The following CTNNBL1 variants were observed in gnomAD, a reference collection of about 807,000 sequenced individuals.
The protein encoded by CTNNBL1 is catenin beta like 1, also known as beta-catenin-like protein 1.
In CTNNBL1, 31 loss-of-function variants were observed where a neutral mutation model predicts 72.7. That is an observed-to-expected ratio of 0.43 (90% CI 0.32 to 0.58). The LOEUF is 0.58. Ranked by LOEUF, CTNNBL1 falls within the 20% of genes least tolerant of loss-of-function variation. The pLI is 0.08. For synonymous variants in CTNNBL1, 240 were observed against 267.3 expected (o/e 0.90, Z 1.00); for missense variants, 534 against 725.1 (o/e 0.74, Z 3.03).
intron 1 of CTNNBL1, among the ~76,000 whole-genome samples, chr20:37,729,341 G>A (rs572982321): frequency 7.8e-4 from 118 of 152,208 alleles, no homozygotes; most frequent in African/African-American, 2.8e-3. Context: ...CCAGAGATGT[G>A]GTGAAGATTG....
intron 4 of CTNNBL1, 22 bp from the exon 5 acceptor site, chr20:37,757,537 T>G (rs766958575): frequency 1.9e-6 from 3 of 1,567,094 alleles, no homozygotes; most frequent in Non-Finnish European, 2.6e-6. Context: ...AGTATGTGTG[T>G]TATACCCTTA....
At chr20:37,773,735 C>A (rs548883663) in intron 7 of CTNNBL1, among the ~76,000 whole-genome samples, 1 of 152,174 alleles carries the variant, frequency 6.6e-6, no homozygotes, top group African/African-American at 2.4e-5. Flanking sequence ...CTAATTTCTT[C>A]TATTTCTTTT....
intron 1 of CTNNBL1, among the ~76,000 whole-genome samples, chr20:37,705,784 A>G (rs1335085664): frequency 6.6e-6 from 1 of 152,134 alleles, no homozygotes; most frequent in Non-Finnish European, 1.5e-5. Context: ...CCCTAAAGGA[A>G]GTGGTTGGGT....
chr20:37,802,764 C>A (rs1010143387), intron 10 of CTNNBL1, 103 bp from the exon 11 acceptor site: 5 of 876,186 alleles, frequency 5.7e-6, no homozygotes, highest in African/African-American at 5.0e-5. Flanking sequence ...TGTAATATTT[C>A]CATTTAGATG....
intron 1 of CTNNBL1, among the ~76,000 whole-genome samples, chr20:37,701,969 G>A (rs1252787722): frequency 2.0e-5 from 3 of 151,994 alleles, no homozygotes; most frequent in Non-Finnish European, 4.4e-5. Flanking sequence ...GTAATACATC[G>A]TACGCACGTG....
chr20:37,801,914 C>T (rs1269507429), intron 10 of CTNNBL1, among the ~76,000 whole-genome samples: 1 of 152,214 alleles, frequency 6.6e-6, no homozygotes, highest in Non-Finnish European at 1.5e-5. Context: ...GTAAAACTAT[C>T]TGTTTGCAGA....
chr20:37,745,785 T>A (rs2122621736), intron 3 of CTNNBL1, among the ~76,000 whole-genome samples: 1 of 152,326 alleles, frequency 6.6e-6, no homozygotes. Flanking sequence ...TCGGCATTTC[T>A]TGTATGTCAA....
Position 37,779,261 on chromosome 20 carries a change from C to G in CTNNBL1, c.957C>G (p.Ser319=). 1.2e-6 allele frequency: 2 copies of G among 1,613,804 alleles called. No homozygotes were observed. Among genetic ancestry groups the G allele is most frequent in the Non-Finnish European group, 1.7e-6 (2 of 1,179,760 alleles). ...AGAATCTGTTTGATTCCCTCTGCTC[C>G]TGTCTAATGCTTAGTTCCAATCGTG... ...MMENLFDSLC[S]CLMLSSNRER... The change falls in exon 10 of 16, where the codon TCC becomes TCG. Residue 319 remains serine (S), a synonymous_variant. Transcript: ENST00000361383.
chr20:37,724,938 GTCTC>G, intron 1 of CTNNBL1, among the ~76,000 whole-genome samples: 1 of 148,032 alleles, frequency 6.8e-6, no homozygotes, highest in Non-Finnish European at 1.5e-5. Flanking sequence ...TTGAGACAGG[GTCTC>G]TCTGTGTCAC....
intron 1 of CTNNBL1, among the ~76,000 whole-genome samples, chr20:37,727,565 C>A (rs1165698124): frequency 6.6e-6 from 1 of 152,210 alleles, no homozygotes. Flanking sequence ...AAGAGTTAAT[C>A]ATTTTTTCTC....
Position 37,823,077 on chromosome 20 carries a change from C to T in CTNNBL1, c.1214-17025C>T, listed in dbSNP as rs549822886. Among the ~76,000 whole-genome samples, 8 of 152,294 alleles carry T rather than the reference C, an allele frequency of 5.3e-5. No individual in the cohort carries two copies. The South Asian group carries it at 1.7e-3, about 32-fold the overall frequency. On this transcript the variant is annotated intron_variant, in intron 11 of 15. Coordinates refer to ENST00000361383, the MANE Select transcript of CTNNBL1 (RefSeq NM_030877.5). ...TACCCGGTTAATAAAACAGCATGGA[C>T]TCATTCTTCACAAATGCCATATGTT...
At chr20:37,732,535 C>G (rs953049099) in intron 1 of CTNNBL1, among the ~76,000 whole-genome samples, 3 of 152,228 alleles carry the variant, frequency 2.0e-5, no homozygotes, top group South Asian at 2.1e-4. Flanking sequence ...TAAAAAAATT[C>G]CCACTGACTT....
At chr20:37,837,443 T>G (rs1267997710) in intron 11 of CTNNBL1, among the ~76,000 whole-genome samples, 3 of 152,318 alleles carry the variant, frequency 2.0e-5, no homozygotes, top group Non-Finnish European at 4.4e-5. Context: ...GTCCACAGCA[T>G]ATTTTAAGAA....
intron 1 of CTNNBL1, among the ~76,000 whole-genome samples, chr20:37,701,577 G>C (rs2072843127): frequency 6.6e-6 from 1 of 152,182 alleles, no homozygotes; most frequent in African/African-American, 2.4e-5. Context: ...ATTTGGTTTG[G>C]TCATTGAAGA....
intron 11 of CTNNBL1, among the ~76,000 whole-genome samples, chr20:37,826,953 A>G (rs1312053610): frequency 1.3e-5 from 2 of 152,220 alleles, no homozygotes; most frequent in Non-Finnish European, 2.9e-5. Flanking sequence ...AAGATACAGA[A>G]CGTTCCCACC....
At chr20:37,786,248 T>C (rs1466528984) in intron 10 of CTNNBL1, among the ~76,000 whole-genome samples, 3 of 152,124 alleles carry the variant, frequency 2.0e-5, no homozygotes, top group South Asian at 4.2e-4. Context: ...AAGGCTCACA[T>C]TGACCACTGC....
intron 3 of CTNNBL1, among the ~76,000 whole-genome samples, chr20:37,741,553 A>G (rs1254375194): frequency 2.6e-5 from 4 of 152,370 alleles, no homozygotes; most frequent in South Asian, 4.1e-4. Context: ...AGTACCAGGC[A>G]TGCTTATAAT....
intron 10 of CTNNBL1, among the ~76,000 whole-genome samples, chr20:37,785,978 C>T (rs2073669967): frequency 6.6e-6 from 1 of 152,224 alleles, no homozygotes; most frequent in African/African-American, 2.4e-5. Flanking sequence ...ATCCCAAGCT[C>T]AGTAACACTC....
intron 1 of CTNNBL1, among the ~76,000 whole-genome samples, chr20:37,726,693 T>G (rs536801750): frequency 1.3e-5 from 2 of 152,336 alleles, no homozygotes; most frequent in Non-Finnish European, 1.5e-5. Flanking sequence ...GAAGGTTTCC[T>G]TTGACTTTTT....
Sources: gnomAD v4.1 joint callset for allele counts (sites outside exome capture counted in the v4.1 genomes callset) on GRCh38, gnomAD v4.1.1 for gene constraint, MANE v1.5 for transcripts, NCBI Gene and HGNC (gene_info 2026-07-23, HGNC 2026-07-21) for gene names.